SMYD3: variants seen among roughly 807,000 people sequenced by gnomAD.
SMYD3 encodes histone-lysine N-methyltransferase SMYD3.
SMYD3 carries 36 observed loss-of-function variants against 57.7 expected under a neutral mutation model. The observed-to-expected ratio is 0.62, with a 90% CI of 0.48 to 0.82. The LOEUF is 0.82. Ranked by LOEUF, SMYD3 falls within the 40% of genes least tolerant of loss-of-function variation. The probability of loss-of-function intolerance (pLI) is 0.00; values close to 1 mark genes in which losing one functional copy is unlikely to be tolerated. For synonymous variants in SMYD3, 211 were observed against 195.0 expected, an observed-to-expected ratio of 1.08 and a Z score of -0.68; for missense variants, 515 against 538.8, an observed-to-expected ratio of 0.96 and a Z score of 0.44.
At chr1:246,446,140 G>A (rs564973244) in intron 1 of SMYD3, among the ~76,000 whole-genome samples, 1 of 152,138 alleles carries the variant, frequency 6.6e-6, no homozygotes, top group Non-Finnish European at 1.5e-5. Context: ...TAAAGACCAA[G>A]TATTGAAATA....
chr1:246,136,586 A>G (rs2061668465), intron 5 of SMYD3, among the ~76,000 whole-genome samples: 1 of 152,250 alleles, frequency 6.6e-6, no homozygotes, highest in African/African-American at 2.4e-5. Flanking sequence ...AGGCTGAGAC[A>G]ATGTACAGCA....
intron 5 of SMYD3, among the ~76,000 whole-genome samples, chr1:246,066,913 T>C (rs1187073392): frequency 6.6e-6 from 1 of 152,234 alleles, no homozygotes; most frequent in Admixed American, 6.5e-5. Context: ...GCTTACTATC[T>C]GGTGTGATTG....
intron 5 of SMYD3, chr1:245,955,973 C>T (rs752956545): frequency 3.0e-6 from 3 of 984,378 alleles, no homozygotes; most frequent in Non-Finnish European, 3.6e-6. Flanking sequence ...GATGTGTCTT[C>T]TAGGAGGCGC....
At chr1:245,944,955 C>A (rs1572757203) in intron 5 of SMYD3, among the ~76,000 whole-genome samples, 1 of 151,984 alleles carries the variant, frequency 6.6e-6, no homozygotes, top group Non-Finnish European at 1.5e-5. Context: ...TGAAACTGGA[C>A]CCCTTCCTTA....
chr1:246,461,550 C>T (rs1197778970), intron 1 of SMYD3, among the ~76,000 whole-genome samples: 2 of 151,746 alleles, frequency 1.3e-5, no homozygotes, highest in Non-Finnish European at 2.9e-5. Context: ...ATACTTGCTA[C>T]TTATCTATTT....
chr1:246,137,670 C>T lies in SMYD3; in HGVS notation c.531+189531G>A, dbSNP rs149612035. Among the ~76,000 whole-genome samples, 18 of 152,308 alleles carry T rather than the reference C, an allele frequency of 1.2e-4. No individual in the cohort carries two copies. The East Asian group carries it at 2.5e-3, about 21-fold the overall frequency. On this transcript the variant is annotated intron_variant, in intron 5 of 11. Transcript: ENST00000490107. ...CACAACTAATAACCCAATTCAGCAA[C>T]CACAGCCTTAGATCATGATCGATTT...
intron 1 of SMYD3, among the ~76,000 whole-genome samples, chr1:246,371,216 C>A (rs2066187090): frequency 6.6e-6 from 1 of 152,110 alleles, no homozygotes; most frequent in South Asian, 2.1e-4. Context: ...TTATACACTG[C>A]CTGTTGTAAG....
At position 245,791,862 on chromosome 1, in the gene SMYD3, A is replaced by G. The variant is rs541953152; in HGVS notation, c.1077-27713T>C. ...CTGGGCCACTCCCTTCCCCATTATCAGCTCTCCTCTCATGCTTTCTGGTAG... is the reference window on the plus strand; with the variant it reads ...CTGGGCCACTCCCTTCCCCATTATCGGCTCTCCTCTCATGCTTTCTGGTAG... On this transcript the variant is annotated intron_variant, in intron 10 of 11. Coordinates refer to ENST00000490107, the MANE Select transcript of SMYD3 (RefSeq NM_001167740.2). 2.6e-5 allele frequency among the ~76,000 whole-genome samples: 4 copies of G among 151,844 alleles called. No homozygotes were observed. The South Asian group carries it at 8.3e-4, about 32-fold the overall frequency.
intron 8 of SMYD3, among the ~76,000 whole-genome samples, chr1:245,901,572 T>A (rs917703370): frequency 6.6e-6 from 1 of 152,166 alleles, no homozygotes; most frequent in African/African-American, 2.4e-5. Context: ...TGGAAAAGCC[T>A]TATGGAGCAA....
At position 245,987,593 on chromosome 1, in the gene SMYD3, T is replaced by C. The variant is rs144658414; in HGVS notation, c.532-57656A>G. Among the ~76,000 whole-genome samples the C allele has an allele frequency of 5.9e-3, 901 of 152,336 alleles. 10 individuals are homozygous for C. The highest frequency in any genetic ancestry group is 0.02 in the African/African-American group (844 of 41,564). ...ACTTCACGTTTTCTTAACTTATTCC[T>C]CACAACGATTTTTAATTTAAATTGA... On this transcript the variant is annotated intron_variant, in intron 5 of 11. Coordinates refer to ENST00000490107, the MANE Select transcript of SMYD3 (RefSeq NM_001167740.2).
chr1:246,429,446 T>C (rs937705743), intron 1 of SMYD3, among the ~76,000 whole-genome samples: 4 of 152,200 alleles, frequency 2.6e-5, no homozygotes, highest in African/African-American at 4.8e-5. Flanking sequence ...ATTTCAGTTA[T>C]GTCAAAAATG....
chr1:246,101,867 T>C (rs1172809352), intron 5 of SMYD3, among the ~76,000 whole-genome samples: 3 of 152,236 alleles, frequency 2.0e-5, no homozygotes, highest in Non-Finnish European at 4.4e-5. Context: ...CCCAATCTCC[T>C]ACCTTTTATG....
chr1:245,968,426 T>G (rs1007138907), intron 5 of SMYD3, among the ~76,000 whole-genome samples: 18 of 152,124 alleles, frequency 1.2e-4, no homozygotes, highest in Non-Finnish European at 2.1e-4. Context: ...CAACTCTCCT[T>G]CAAGGCCCAA....
intron 1 of SMYD3, among the ~76,000 whole-genome samples, chr1:246,380,756 A>G (rs1427231402): frequency 3.9e-5 from 6 of 152,232 alleles, no homozygotes; most frequent in Non-Finnish European, 7.3e-5. Flanking sequence ...TCTGTGCTAG[A>G]TACCTGTAAC....
chr1:246,373,026 A>G (rs2066216380), intron 1 of SMYD3, among the ~76,000 whole-genome samples: 1 of 152,192 alleles, frequency 6.6e-6, no homozygotes, highest in African/African-American at 2.4e-5. Context: ...TCTAATCATA[A>G]TAATAAAAGC....
intron 1 of SMYD3, among the ~76,000 whole-genome samples, chr1:246,447,798 A>G (rs1411265352): frequency 6.6e-6 from 1 of 152,200 alleles, no homozygotes; most frequent in Non-Finnish European, 1.5e-5. Context: ...TGGATTACTG[A>G]GCTCTACTGT....
intron 5 of SMYD3, among the ~76,000 whole-genome samples, chr1:246,127,053 T>C (rs961520348): frequency 2.0e-5 from 3 of 151,476 alleles, no homozygotes; most frequent in African/African-American, 7.3e-5. Context: ...AGAGAGCGGA[T>C]TCCAATGTAT....
intron 5 of SMYD3, among the ~76,000 whole-genome samples, chr1:246,178,267 T>C (rs761060760): frequency 2.0e-5 from 3 of 152,118 alleles, no homozygotes; most frequent in Admixed American, 6.5e-5. Flanking sequence ...GTGGCACCCA[T>C]CACCTTCAAG....
chr1:246,062,783 C>A (rs532760348), intron 5 of SMYD3, among the ~76,000 whole-genome samples: 1 of 152,252 alleles, frequency 6.6e-6, no homozygotes, highest in South Asian at 2.1e-4. Flanking sequence ...AATAACGTTT[C>A]AGCAAATGCT....
Sources: allele counts gnomAD v4.1 joint callset (sites outside exome capture counted in the v4.1 genomes callset), GRCh38; gene constraint gnomAD v4.1.1; transcripts MANE v1.5; gene names NCBI Gene and HGNC (gene_info 2026-07-23, HGNC 2026-07-21).